The following STK32A variants were observed in gnomAD, a reference collection of about 807,000 sequenced individuals.
The protein encoded by STK32A is serine/threonine kinase 32A, also known as serine/threonine-protein kinase 32A.
Under a neutral mutation model 53.2 loss-of-function variants are expected in STK32A, and 41 were observed. The observed-to-expected ratio is 0.77, with a 90% CI of 0.60 to 1.00. STK32A has a LOEUF of 1.00. Among genes scored for constraint, STK32A ranks in the 50% least tolerant of loss-of-function variants. The probability of loss-of-function intolerance (pLI) is 0.00; values close to 1 mark genes in which losing one functional copy is unlikely to be tolerated. For synonymous variants in STK32A, 166 were observed against 162.8 expected, an observed-to-expected ratio of 1.02 and a Z score of -0.15; for missense variants, 458 against 485.8, an observed-to-expected ratio of 0.94 and a Z score of 0.54.
chr5:147,339,096 G>A (rs1266398214), intron 5 of STK32A, among the ~76,000 whole-genome samples: 1 of 152,188 alleles, frequency 6.6e-6, no homozygotes, highest in African/African-American at 2.4e-5. Context: ...ATGTCTCCAG[G>A]GCATGTCAGA....
the STK32A span, among the ~76,000 whole-genome samples, chr5:147,398,544 C>A: frequency 1.3e-5 from 2 of 152,180 alleles, no homozygotes. Context: ...CTATTTTTAA[C>A]AACAGTGTCG....
At chr5:147,310,294 G>A (rs1443423793) in intron 4 of STK32A, among the ~76,000 whole-genome samples, 1 of 152,158 alleles carries the variant, frequency 6.6e-6, no homozygotes, top group Non-Finnish European at 1.5e-5. Context: ...CTGGGATGAA[G>A]GCGTGAAGGC....
Position 147,237,921 on chromosome 5 carries a change from C to T in STK32A, c.-96-1618C>T, listed in dbSNP as rs115708167. On this transcript the variant is annotated intron_variant, in intron 1 of 12. Coordinates refer to ENST00000397936, the MANE Select transcript of STK32A (RefSeq NM_001112724.2). ...TCCAATTCTGCCTGTAATCAATATT[C>T]CCTTCACATGTAAAGAGCTCAGGAG... Among the ~76,000 whole-genome samples, 796 of 152,286 alleles carry T rather than the reference C, an allele frequency of 5.2e-3. 8 individuals are homozygous for T. The highest frequency in any genetic ancestry group is 0.018 in the African/African-American group (748 of 41,552).
At chr5:147,395,578 C>A in the STK32A span, 1 of 1,613,416 alleles carries the variant, frequency 6.2e-7, no homozygotes. Flanking sequence ...TAAATCCCGA[C>A]TGATGAAGAT....
intron 4 of STK32A, among the ~76,000 whole-genome samples, chr5:147,323,571 G>A (rs956276079): frequency 1.3e-5 from 2 of 152,102 alleles, no homozygotes; most frequent in Non-Finnish European, 2.9e-5. Flanking sequence ...AGCAATAAAT[G>A]GATAACTTGG....
intron 6 of STK32A, among the ~76,000 whole-genome samples, chr5:147,346,977 G>A (rs1158649538): frequency 6.6e-6 from 1 of 152,170 alleles, no homozygotes; most frequent in Admixed American, 6.5e-5. Context: ...AGATGAAGTG[G>A]ACAGTGTCCT....
intron 6 of STK32A, among the ~76,000 whole-genome samples, chr5:147,349,581 T>C (rs1176994282): frequency 6.6e-6 from 1 of 152,144 alleles, no homozygotes; most frequent in African/African-American, 2.4e-5. Flanking sequence ...GAGCACCTCA[T>C]AGAGTGTGTT....
In STK32A at chr5:147,361,557, C is replaced by T; in HGVS notation, c.603C>T (p.Ser201=). ...MFSSRKGAGY[S]FAVDWWSLGV... is the part of the protein sequence containing the mutation. ...GCTCCAGAAAAGGAGCAGGCTATTC[C>T]TTTGCTGTTGACTGGTGGTCCCTGG... is the stretch of plus-strand genomic sequence containing the variant. The change falls in exon 8 of 13, where the codon TCC becomes TCT. Residue 201 remains serine, a synonymous_variant. Coordinates refer to ENST00000397936, the MANE Select transcript of STK32A (RefSeq NM_001112724.2). 6.8e-6 allele frequency: 11 copies of T among 1,613,482 alleles called. No individual in the cohort carries two copies. The South Asian group carries it at 1.2e-4, about 18-fold the overall frequency.
chr5:147,356,233 G>A (rs1310796505), intron 7 of STK32A, among the ~76,000 whole-genome samples: 1 of 152,148 alleles, frequency 6.6e-6, no homozygotes, highest in Admixed American at 6.5e-5. Context: ...ACGATGATGT[G>A]ACAATGATGA....
At chr5:147,380,472 T>TA (rs545950130) in intron 11 of STK32A, among the ~76,000 whole-genome samples, 2,656 of 147,024 alleles carry the variant, frequency 0.018, 40 homozygotes, top group African/African-American at 0.055. Context: ...ATTCCTAGGT[T>TA]AAAAAAAAAT....
intron 2 of STK32A, among the ~76,000 whole-genome samples, chr5:147,258,198 A>G (rs1247083932): frequency 8.3e-6 from 1 of 120,744 alleles, no homozygotes; most frequent in Non-Finnish European, 1.8e-5. Flanking sequence ...TGCTTTAAGA[A>G]ATACCTGTTG....
intron 2 of STK32A, among the ~76,000 whole-genome samples, chr5:147,271,738 A>G (rs534840340): frequency 4.9e-4 from 74 of 152,280 alleles, no homozygotes; most frequent in African/African-American, 1.6e-3. Flanking sequence ...TCCCAGGCTT[A>G]TTAGGATGAG....
chr5:147,308,191 C>T (rs879277257), intron 4 of STK32A, among the ~76,000 whole-genome samples: 6 of 149,460 alleles, frequency 4.0e-5, no homozygotes, highest in African/African-American at 7.4e-5. Context: ...CATATATATG[C>T]GTATACATTT....
At chr5:147,318,763 G>A (rs1195470103) in intron 4 of STK32A, among the ~76,000 whole-genome samples, 5 of 131,678 alleles carry the variant, frequency 3.8e-5, no homozygotes, top group African/African-American at 8.7e-5. Flanking sequence ...ATGACACAGT[G>A]AGACCCTGTC....
intron 4 of STK32A, among the ~76,000 whole-genome samples, chr5:147,323,221 G>A (rs1400300900): frequency 6.6e-6 from 1 of 152,166 alleles, no homozygotes; most frequent in Non-Finnish European, 1.5e-5. Flanking sequence ...AGCCCACAAA[G>A]TCACTCAGTA....
chr5:147,316,862 A>T (rs1328359356), intron 4 of STK32A, among the ~76,000 whole-genome samples: 2 of 140,152 alleles, frequency 1.4e-5, no homozygotes, highest in African/African-American at 2.7e-5. Context: ...TTCTGGCGAA[A>T]AAAAAAAAAA....
chr5:147,312,598 A>AT (rs1167901527), intron 4 of STK32A, among the ~76,000 whole-genome samples: 7 of 152,132 alleles, frequency 4.6e-5, no homozygotes, highest in African/African-American at 7.2e-5. Flanking sequence ...TTCAAGGTGC[A>AT]TTTTTTCTTT....
At chr5:147,271,445 T>A (rs1755028124) in intron 2 of STK32A, among the ~76,000 whole-genome samples, 1 of 152,076 alleles carries the variant, frequency 6.6e-6, no homozygotes, top group Middle Eastern at 3.2e-3. Context: ...CAATATGAAA[T>A]CTGGGCACCT....
At chr5:147,252,678 C>G (rs1343389424) in intron 2 of STK32A, among the ~76,000 whole-genome samples, 1 of 152,178 alleles carries the variant, frequency 6.6e-6, no homozygotes, top group Non-Finnish European at 1.5e-5. Context: ...CCCATCATGC[C>G]TCAGCCCAGT....
Sources: gnomAD v4.1 joint callset for allele counts (sites outside exome capture counted in the v4.1 genomes callset) on GRCh38, gnomAD v4.1.1 for gene constraint, MANE v1.5 for transcripts, NCBI Gene and HGNC (gene_info 2026-07-23, HGNC 2026-07-21) for gene names.